The following MYO7A variants were observed in gnomAD, a reference collection of about 807,000 sequenced individuals.
MYO7A encodes myosin VIIA.
In MYO7A, 210 loss-of-function variants were observed where a neutral mutation model predicts 263.8. The observed-to-expected ratio is 0.80, with a 90% CI of 0.71 to 0.89. The LOEUF is 0.89. Ranked by LOEUF, MYO7A falls within the 40% of genes least tolerant of loss-of-function variation. MYO7A has a pLI of 0.00. For missense variants in MYO7A, 2,820 were observed against 2,968.3 expected, an observed-to-expected ratio of 0.95 and a Z score of 1.16; for synonymous variants, 1,239 against 1,197.3, an observed-to-expected ratio of 1.03 and a Z score of -0.72.
intron 26 of MYO7A, 93 bp downstream of exon 26, chr11:77,183,250 A>C (rs1428540533): frequency 1.9e-6 from 2 of 1,077,774 alleles, no homozygotes; most frequent in Non-Finnish European, 1.4e-6. Context: ...CCACGGAAGC[A>C]GGAGCAGGAG....
At chr11:77,173,614 G>A (rs1954344147) in intron 16 of MYO7A, among the ~76,000 whole-genome samples, 1 of 152,182 alleles carries the variant, frequency 6.6e-6, no homozygotes, top group African/African-American at 2.4e-5. Context: ...GGCTCTGGGA[G>A]GGTTGTTTAC....
chr11:77,131,864 C>T (rs1252684393), intron 2 of MYO7A, among the ~76,000 whole-genome samples: 5 of 152,234 alleles, frequency 3.3e-5, no homozygotes, highest in Admixed American at 6.5e-5. Flanking sequence ...AACCGGCCAG[C>T]TCTGCAGTTG....
chr11:77,149,234 A>AC (rs149097324), intron 4 of MYO7A, among the ~76,000 whole-genome samples: 39,245 of 149,564 alleles, frequency 0.26, 5,267 homozygotes, highest in East Asian at 0.44. Flanking sequence ...AGCAGGAGGG[A>AC]CCCCCCTGAT....
chr11:77,158,512 C>T (rs1952703654), intron 9 of MYO7A, 82 bp downstream of exon 9: 1 of 1,486,776 alleles, frequency 6.7e-7, no homozygotes, highest in East Asian at 2.4e-5. Context: ...GTATTGGCAG[C>T]TCAGTTTCTG....
rs1425040926 is a variant in MYO7A at position 77,204,182 on chromosome 11, C to T, written c.5433C>T (p.Asp1811=). The T allele has an allele frequency of 1.0e-5, 16 of 1,586,646 alleles. No individual in the cohort carries two copies. Among genetic ancestry groups the T allele is most frequent in the Middle Eastern group, 1.7e-4 (1 of 6,038 alleles). The part of the protein sequence containing the change: ...EGPLKAEPLK[D]EAYVQILKQL... ...CCCTGAAAGCCGAGCCCCTGAAGGA[C>T]GAGGCATATGTGCAGATCCTGAAGC... Residue 1811 remains aspartate (D), a synonymous_variant, in exon 39 of 49, where the codon GAC becomes GAT. Transcript: ENST00000409709.
intron 23 of MYO7A, 89 bp downstream of exon 23, chr11:77,181,678 AC>A: frequency 7.8e-7 from 1 of 1,277,834 alleles, no homozygotes; most frequent in Non-Finnish European, 1.1e-6. Flanking sequence ...CTTAAAGCCC[AC>A]CCAGTCCCTC....
At chr11:77,205,199 C>A (rs1001161634) in intron 39 of MYO7A, among the ~76,000 whole-genome samples, 1 of 152,210 alleles carries the variant, frequency 6.6e-6, no homozygotes, top group Admixed American at 6.5e-5. Context: ...GGCATAAGCC[C>A]CTTATCTCCA....
At chr11:77,189,552 C>T in intron 28 of MYO7A, 82 bp downstream of exon 28, 1 of 1,571,172 alleles carries the variant, frequency 6.4e-7, no homozygotes, top group South Asian at 1.2e-5. Context: ...TAGCCAGGGG[C>T]TCCAAAGGGC....
intron 30 of MYO7A, 73 bp from the exon 31 acceptor site, chr11:77,191,978 C>T (rs1040707298): frequency 1.9e-5 from 25 of 1,346,280 alleles, no homozygotes; most frequent in Middle Eastern, 5.1e-4. Context: ...CTGAACTGAC[C>T]GTTGGCCCCG....
chr11:77,197,544 C>T lies in MYO7A; in HGVS notation c.4387C>T (p.Arg1463Cys), dbSNP rs202111392. 212 of 1,608,204 alleles carry T rather than the reference C, an allele frequency of 1.3e-4. No individual in the cohort carries two copies. Among genetic ancestry groups the T allele is most frequent in the Non-Finnish European group, 1.7e-4 (198 of 1,177,258 alleles). The change falls in exon 33 of 49, where the codon CGC (arginine) becomes TGC (cysteine). Residue 1463 changes from arginine to cysteine, a missense_variant. By Grantham distance (180) the Arg-to-Cys change is radical. Transcript: ENST00000409709. ...CAAAGAGGATGTGGTCAGTTATGCC[C>T]GCTTCAAGTGGCCCTTGCTCTTCTC... ...KVKEDVVSYARFKWPLLFSRF... is the reference protein window; with the variant it reads ...KVKEDVVSYACFKWPLLFSRF...
At chr11:77,214,468 G>A (rs1958038503) in intron 48 of MYO7A, 139 bp from the exon 49 acceptor site, 1 of 681,988 alleles carries the variant, frequency 1.5e-6, no homozygotes, top group Admixed American at 2.1e-5. Context: ...TTGTGCAGAT[G>A]GGAGATAAGC....
chr11:77,184,970 A>G, intron 27 of MYO7A: 2 of 703,978 alleles, frequency 2.8e-6, no homozygotes, highest in Admixed American at 2.1e-5. Flanking sequence ...AGAAATAAAT[A>G]TCACAATAAA....
At chr11:77,201,770 C>T (rs1957079991) in intron 36 of MYO7A, 132 bp downstream of exon 36, 4 of 1,077,304 alleles carry the variant, frequency 3.7e-6, no homozygotes, top group East Asian at 5.5e-5. Context: ...ATGGGACACA[C>T]ATTTAAAGTT....
chr11:77,179,579 C>T (rs1954988194), intron 20 of MYO7A, among the ~76,000 whole-genome samples, 156 bp from the exon 21 acceptor site: 1 of 152,222 alleles, frequency 6.6e-6, no homozygotes, highest in Non-Finnish European at 1.5e-5. Flanking sequence ...ACAGAACTTT[C>T]TAACGATGGG....
At position 77,159,591 on chromosome 11, in the gene MYO7A, G is replaced by T. The variant is rs916219817; in HGVS notation, c.1080+68G>T. ...TGAAGGGTTGAGTTTAAGCTCATTG[G>T]GGGCTGGGATGTAGGAACCACATTG... On this transcript the variant is annotated intron_variant, in intron 10 of 48. Transcript: ENST00000409709. 5 of 1,475,380 alleles carry T rather than the reference G, an allele frequency of 3.4e-6. No homozygotes were observed. The South Asian group carries it at 3.5e-5, about 10-fold the overall frequency. The allele number at this position is 1,475,380 out of a possible 1,614,324, so 91.4% of individuals were successfully genotyped here. A position where few individuals can be genotyped will look rare whatever the true frequency, so the allele number is the denominator to read the frequency against.
chr11:77,184,589 T>C lies in MYO7A; in HGVS notation c.3377T>C (p.Val1126Ala). 6.4e-7 allele frequency: 1 copy of C among 1,561,342 alleles called. No individual in the cohort carries two copies. The highest frequency in any genetic ancestry group is 8.7e-7 in the Non-Finnish European group (1 of 1,152,418). ...CCCTGTCCTCTCCCTCTGGCCCAGG[T>C]GACCAAGAGGCTGCATGACGGGGAG... Reference protein sequence around the residue: ...LKKKSKLTEEVTKRLHDGEST... With the variant: ...LKKKSKLTEEATKRLHDGEST... The change falls in exon 27 of 49, where the codon GTG becomes GCG. Residue 1126 changes from valine to alanine, a missense_variant and splice_region_variant. By Grantham distance (64) the Val-to-Ala change is moderately conservative. Transcript: ENST00000409709.
chr11:77,201,624 C>T lies in MYO7A; in HGVS notation c.5029C>T (p.Pro1677Ser), dbSNP rs535102352. The T allele has an allele frequency of 4.3e-5, 69 of 1,613,264 alleles. No individual in the cohort carries two copies. The Admixed American group carries it at 1.1e-3, about 25-fold the overall frequency. Residue 1677 changes from proline (P) to serine (S), a missense_variant, in exon 36 of 49, where the codon CCG (proline) becomes TCG (serine). Pro to Ser is a moderately conservative substitution (Grantham distance 74, BLOSUM62 -1). Transcript: ENST00000409709. ...CGTCATGCCCACTGTCACCATGCCA[C>T]CGCGGGAGATTGTGGTATGTGGCCT... ...VYVMPTVTMP[P>S]REIVALVTMT... is the part of the protein sequence containing the mutation.
In MYO7A at chr11:77,174,776, C is replaced by T. The variant is rs367693437; in HGVS notation, c.1956C>T (p.Cys652=). ...KKPMLFDRHL[C]VRQLRYSGMM... The stretch of plus-strand genomic sequence containing the variant: ...GGCAGCTGTTCGACCGGCACCTGTG[C>T]GTGCGCCAGCTGCGGTACTCAGGAA... The change falls in exon 17 of 49, where the codon TGC becomes TGT. Residue 652 remains cysteine (C), a synonymous_variant. Coordinates refer to ENST00000409709, the MANE Select transcript of MYO7A (RefSeq NM_000260.4). The T allele has an allele frequency of 5.6e-6, 9 of 1,601,000 alleles. No homozygotes were observed. The highest frequency in any genetic ancestry group is 2.7e-5 in the African/African-American group (2 of 74,676).
intron 34 of MYO7A, 90 bp downstream of exon 34, chr11:77,198,711 G>A: frequency 6.4e-7 from 1 of 1,564,720 alleles, no homozygotes; most frequent in Non-Finnish European, 8.7e-7. Flanking sequence ...GAAGAGGCAT[G>A]AAGTGGCCTG....
Sources: gnomAD v4.1 joint callset for allele counts (sites outside exome capture counted in the v4.1 genomes callset) on GRCh38, gnomAD v4.1.1 for gene constraint, MANE v1.5 for transcripts, NCBI Gene and HGNC (gene_info 2026-07-23, HGNC 2026-07-21) for gene names.